KIF26A: variants seen among roughly 807,000 people sequenced by gnomAD.
KIF26A encodes kinesin-like protein KIF26A.
A neutral mutation model predicts 126.0 loss-of-function variants in KIF26A; 74 were observed. The ratio of observed to expected loss-of-function variants is 0.59; its 90% CI spans 0.49 to 0.71. The LOEUF (loss-of-function observed/expected upper bound fraction) is 0.71. KIF26A is among the 30% of genes least tolerant of loss of function. KIF26A has a pLI of 0.00. For missense variants in KIF26A, 2,984 were observed against 2,763.3 expected (o/e 1.08, Z -1.79); for synonymous variants, 1,445 against 1,232.7 (o/e 1.17, Z -3.61).
intron 5 of KIF26A, among the ~76,000 whole-genome samples, chr14:104,167,909 C>T (rs1347266046): frequency 2.0e-5 from 3 of 152,338 alleles, no homozygotes; most frequent in Middle Eastern, 3.4e-3. Context: ...GGCTCCGTGC[C>T]CCTCTGGACT....
chr14:104,140,827 C>T (rs1434186204), intron 2 of KIF26A, among the ~76,000 whole-genome samples: 13 of 152,202 alleles, frequency 8.5e-5, no homozygotes, highest in Admixed American at 7.2e-4. Context: ...TCCCCCTTCC[C>T]TAGCTGGCGC....
chr14:104,142,110 TC>T (rs1309454472), intron 2 of KIF26A, among the ~76,000 whole-genome samples: 1 of 152,050 alleles, frequency 6.6e-6, no homozygotes, highest in Non-Finnish European at 1.5e-5. Flanking sequence ...GTGACCATGG[TC>T]CCCTATCTGG....
At chr14:104,159,235 C>T (rs1179321533) in intron 4 of KIF26A, among the ~76,000 whole-genome samples, 1 of 152,216 alleles carries the variant, frequency 6.6e-6, no homozygotes, top group Admixed American at 6.5e-5. Context: ...CCATCCTGCT[C>T]TGGGGTCCCC....
At chr14:104,138,794 C>T (rs1205428549) in intron 1 of KIF26A, 30 bp downstream of exon 1, 2 of 1,259,108 alleles carry the variant, frequency 1.6e-6, no homozygotes, top group South Asian at 3.2e-5. Context: ...GAGAGGGAGG[C>T]GGGCGGCGGG....
Position 104,148,899 on chromosome 14 carries a change from TCTC to T in KIF26A, c.289-3112_289-3110del, listed in dbSNP as rs1267657080. ...CCGTGTGCTGAGTGGGGTGCCGAGT[TCTC>T]CTCTTGTCTTAGCTGGACAGTGTGC... On this transcript the variant is annotated intron_variant, in intron 2 of 14. Transcript: ENST00000423312. The surrounding 1 kb of genome is among the most constrained non-coding windows in gnomAD (Gnocchi z 4.3). Among the ~76,000 whole-genome samples, 2 of 152,042 alleles carry T rather than the reference TCTC, an allele frequency of 1.3e-5. No individual in the cohort carries two copies. Among genetic ancestry groups the T allele is most frequent in the African/African-American group, 2.4e-5 (1 of 41,388 alleles).
In KIF26A at chr14:104,151,686, G is replaced by A. The variant is rs2037730686; in HGVS notation, c.289-329G>A. Among the ~76,000 whole-genome samples, 1 of 152,212 alleles carries A rather than the reference G, an allele frequency of 6.6e-6. No homozygotes were observed. The highest frequency in any genetic ancestry group is 1.5e-5 in the Non-Finnish European group (1 of 68,034). On this transcript the variant is annotated intron_variant, in intron 2 of 14. Transcript: ENST00000423312. The surrounding 1 kb of genome is among the most constrained non-coding windows in gnomAD (Gnocchi z 4.9). ...CCTGCTTCTTGCCAGTCTCCTGCGT[G>A]TCCCCGGCCAGGCGGCCTTAGCTGA...
rs1171942561 is a variant in KIF26A at position 104,173,381 on chromosome 14, T to C, written c.1735T>C (p.Tyr579His). The change falls in exon 9 of 15, where the codon TAC becomes CAC. Residue 579 changes from tyrosine (Y) to histidine (H), a missense_variant. Coordinates refer to ENST00000423312, the MANE Select transcript of KIF26A (RefSeq NM_015656.2). ...ACCCACGGCCGAGAAGGCGGCTTTCTACCTGGATGCGGCCCTGGCGGCCCG... is the reference window on the plus strand; with the variant it reads ...ACCCACGGCCGAGAAGGCGGCTTTCCACCTGGATGCGGCCCTGGCGGCCCG... ...RAPTAEKAAFYLDAALAARST... is the reference protein window; with the variant it reads ...RAPTAEKAAFHLDAALAARST... The C allele has an allele frequency of 1.9e-6, 3 of 1,591,866 alleles. No individual in the cohort carries two copies. The highest frequency in any genetic ancestry group is 2.6e-6 in the Non-Finnish European group (3 of 1,170,400).
Position 104,176,577 on chromosome 14 carries a change from C to T in KIF26A, c.3789C>T (p.Pro1263=), listed in dbSNP as rs1392403126. 5.0e-6 allele frequency: 8 copies of T among 1,607,850 alleles called. No individual in the cohort carries two copies. The highest frequency in any genetic ancestry group is 6.8e-6 in the Non-Finnish European group (8 of 1,179,690). The change falls in exon 12 of 15, where the codon CCC becomes CCT. Residue 1263 remains proline (P), a synonymous_variant. Coordinates refer to ENST00000423312, the MANE Select transcript of KIF26A (RefSeq NM_015656.2). ...QAASAGRAPS[P]TLGSPRLPEA... is the part of the protein sequence containing the mutation. ...CTTCTGCTGGCAGGGCCCCCAGCCC[C>T]ACACTTGGCTCCCCCCGGCTGCCTG...
rs1299157016 is a variant in KIF26A at position 104,175,040 on chromosome 14, C to G, written c.2252C>G (p.Pro751Arg). The G allele has an allele frequency of 3.8e-6, 6 of 1,570,368 alleles. No individual in the cohort carries two copies. Among genetic ancestry groups the G allele is most frequent in the Admixed American group, 1.8e-5 (1 of 54,606 alleles). Residue 751 changes from proline to arginine, a missense_variant, in exon 12 of 15, where the codon CCC (proline) becomes CGC (arginine). Coordinates refer to ENST00000423312, the MANE Select transcript of KIF26A (RefSeq NM_015656.2). ...SSCEEGRARR[P>R]PHLRPFHPRT... ...TGTGAGGAAGGCCGGGCCCGTCGGCCCCCGCACCTGCGGCCCTTCCACCCA... is the reference window on the plus strand; with the variant it reads ...TGTGAGGAAGGCCGGGCCCGTCGGCGCCCGCACCTGCGGCCCTTCCACCCA...
At chr14:104,162,920 CCCCCG>C (rs1197546332) in intron 4 of KIF26A, among the ~76,000 whole-genome samples, 1 of 152,152 alleles carries the variant, frequency 6.6e-6, no homozygotes. Context: ...CCTGCCCTTC[CCCCCG>C]CCCCGCCCCA....
intron 4 of KIF26A, among the ~76,000 whole-genome samples, chr14:104,165,537 GTC>G (rs141671546): frequency 1.1e-4 from 15 of 140,818 alleles, no homozygotes; most frequent in African/African-American, 3.7e-4. Flanking sequence ...GTATCTTTGT[GTC>G]TATGCGTGTG....
chr14:104,140,730 T>A (rs551793970), intron 2 of KIF26A, among the ~76,000 whole-genome samples: 1 of 152,274 alleles, frequency 6.6e-6, no homozygotes, highest in South Asian at 2.1e-4. Flanking sequence ...AGACAGGTCT[T>A]CAGGGGAGCC....
At position 104,173,437 on chromosome 14, in the gene KIF26A, C is replaced by T. The variant is rs375889577; in HGVS notation, c.1791C>T (p.Asp597=). 3.4e-5 allele frequency: 54 copies of T among 1,585,420 alleles called. No individual in the cohort carries two copies. Among genetic ancestry groups the T allele is most frequent in the East Asian group, 1.2e-4 (5 of 43,230 alleles). Residue 597 remains aspartate (D), a synonymous_variant, in exon 9 of 15, where the codon GAC becomes GAT. Transcript: ENST00000423312. ...CCAGCCGAGCGGGCTGTGGCGAGGA[C>T]GCCCGACGCAGCTCCCACATGTTGT... ...RSTSRAGCGE[D]ARRSSHMLFT... is the part of the protein sequence containing the mutation.
chr14:104,174,305 G>T lies in KIF26A; in HGVS notation c.2188G>T (p.Ala730Ser), dbSNP rs1333347922. The T allele has an allele frequency of 3.2e-6, 5 of 1,538,900 alleles. No homozygotes were observed. The South Asian group carries it at 6.0e-5, about 19-fold the overall frequency. The change falls in exon 11 of 15, where the codon GCC (alanine) becomes TCC (serine). Residue 730 changes from alanine to serine, a missense_variant. Physicochemically the swap from Ala to Ser is moderately conservative, Grantham distance 99 (BLOSUM62 1). Transcript: ENST00000423312. ...CATCCACCGCCTGCGCAGGAAGAAGGCCAAGGTGCTCCCCACCTCCTGCCC... is the reference window on the plus strand; with the variant it reads ...CATCCACCGCCTGCGCAGGAAGAAGTCCAAGGTGCTCCCCACCTCCTGCCC... The part of the protein sequence containing the change: ...ARIHRLRRKK[A>S]KYASSSSGGE...
rs1397745999 is a variant in KIF26A, at chr14:104,177,449, TG to T, written c.4664del (p.Gly1555AlafsTer42). On this transcript the variant is annotated frameshift_variant, in exon 12 of 15. Transcript: ENST00000423312. LOFTEE classifies it high-confidence loss of function. The stretch of plus-strand genomic sequence containing the variant: ...GCGAAGGCTGGCCGGGGTACCGTCA[TG>T]GGCACAAAGCAGGCGCTCCGGGCTG... ...VGAKAGRGTVMGTKQALRAAH... is the reference protein window; with the variant it reads ...VGAKAGRGTVXGTKQALRAAH... 2.0e-6 allele frequency: 3 copies of T among 1,526,954 alleles called. No homozygotes were observed. The African/African-American group carries it at 4.1e-5, about 21-fold the overall frequency. 94.6% of individuals were successfully genotyped at this position (1,526,954 alleles called of 1,614,324 possible).
rs186228785 is a variant in KIF26A at position 104,145,703 on chromosome 14, C to T, written c.289-6312C>T. On this transcript the variant is annotated intron_variant, in intron 2 of 14. Transcript: ENST00000423312. ...CCCATCTTCCCTCCCCAGCTCATAG[C>T]TTCGGTTCACGGCTGTAGCCCGGCT... Among the ~76,000 whole-genome samples, 191 of 152,338 alleles carry T rather than the reference C, an allele frequency of 1.3e-3. 1 individual carries two copies. Among genetic ancestry groups the T allele is most frequent in the East Asian group, 7.7e-3 (40 of 5,178 alleles).
At position 104,156,422 on chromosome 14, in the gene KIF26A, G is replaced by A. The variant is rs915501685; in HGVS notation, c.736-1333G>A. Among the ~76,000 whole-genome samples, 10 of 150,716 alleles carry A rather than the reference G, an allele frequency of 6.6e-5. No individual in the cohort carries two copies. In the East Asian group the frequency reaches 7.8e-4, roughly 12 times the overall value. Reference sequence around the variant, plus strand: ...GTGAGCTGTTCCAGGTCCCAGGTTCGCCCTTTTCTGCTACTGGGCATTCCT... The same window carrying A: ...GTGAGCTGTTCCAGGTCCCAGGTTCACCCTTTTCTGCTACTGGGCATTCCT... On this transcript the variant is annotated intron_variant, in intron 3 of 14. Transcript: ENST00000423312.
chr14:104,173,857 T>C lies in KIF26A; in HGVS notation c.2019T>C (p.His673=), dbSNP rs563946007. The change falls in exon 10 of 15, where the codon CAT becomes CAC. Residue 673 remains histidine (H), a synonymous_variant. Transcript: ENST00000423312. ...VILALVNGAK[H]VPYRDHRLTM... ...TGGCCCTGGTCAACGGAGCCAAGCA[T>C]GTGCCGTATCGGTGAGTGTAGGGCC... 3.1e-6 allele frequency: 5 copies of C among 1,593,948 alleles called. No homozygotes were observed. The highest frequency in any genetic ancestry group is 1.7e-4 in the Middle Eastern group (1 of 6,026).
chr14:104,171,701 G>A, intron 5 of KIF26A, 22 bp from the exon 6 acceptor site: 1 of 1,539,048 alleles, frequency 6.5e-7, no homozygotes, highest in South Asian at 1.2e-5. Flanking sequence ...AGCTTCTCAG[G>A]TGCCGCCCAC....
Sources: allele counts gnomAD v4.1 joint callset (sites outside exome capture counted in the v4.1 genomes callset), GRCh38; gene constraint gnomAD v4.1.1; non-coding constraint Gnocchi (gnomAD v3.1); transcripts MANE v1.5; gene names NCBI Gene and HGNC (gene_info 2026-07-23, HGNC 2026-07-21).